Variants in FBXL13 observed in about 807,000 individuals in gnomAD.
FBXL13 encodes the protein F-box and leucine-rich repeat protein 13.
A neutral mutation model predicts 83.6 loss-of-function variants in FBXL13; 67 were observed. The ratio of observed to expected loss-of-function variants is 0.80; its 90% CI spans 0.66 to 0.98. The LOEUF is 0.98. FBXL13 is among the 50% of genes least tolerant of loss of function. The pLI is 0.00. For synonymous variants in FBXL13, 272 were observed against 299.5 expected, an observed-to-expected ratio of 0.91 and a Z score of 0.95; for missense variants, 822 against 866.5, an observed-to-expected ratio of 0.95 and a Z score of 0.64.
chr7:102,885,182 G>T (rs992849650), intron 11 of FBXL13, among the ~76,000 whole-genome samples: 2 of 152,128 alleles, frequency 1.3e-5, no homozygotes, highest in African/African-American at 4.8e-5. Flanking sequence ...GCAATTCTAT[G>T]CTTAATTTTT....
At chr7:103,055,052 A>T (rs1385423153) in intron 2 of FBXL13, 36 bp downstream of exon 3, 1 of 1,155,418 alleles carries the variant, frequency 8.7e-7, no homozygotes, top group Admixed American at 2.5e-5. Context: ...GAAGTTTAAA[A>T]TATATATTTG....
chr7:102,964,406 T>TATA (rs375876058), intron 7 of FBXL13, among the ~76,000 whole-genome samples: 2,464 of 126,150 alleles, frequency 0.02, 37 homozygotes, highest in Non-Finnish European at 0.026. Context: ...ATATATATAT[T>TATA]TTTTTTTTTT....
At position 102,913,225 on chromosome 7, in the gene FBXL13, C is replaced by A. The variant is rs1815115038; in HGVS notation, c.879-10G>T. On this transcript the variant is annotated splice_polypyrimidine_tract_variant and intron_variant, in intron 10 of 19. Transcript: ENST00000313221. ...TAAGTTGTGGAAGTGCCTGAAAAGACAAAAGAGAGGAAGGAAAGTATTATA... is the reference window on the plus strand; with the variant it reads ...TAAGTTGTGGAAGTGCCTGAAAAGAAAAAAGAGAGGAAGGAAAGTATTATA... The A allele has an allele frequency of 6.2e-7, 1 of 1,613,984 alleles. No individual in the cohort carries two copies. The highest frequency in any genetic ancestry group is 8.5e-7 in the Non-Finnish European group (1 of 1,179,942).
intron 6 of FBXL13, among the ~76,000 whole-genome samples, chr7:102,974,564 C>G (rs374057142): frequency 1.5e-4 from 23 of 152,206 alleles, no homozygotes; most frequent in Middle Eastern, 6.8e-3. Flanking sequence ...TTATTGCTGA[C>G]GACTGGAGAA....
chr7:102,960,886 T>A lies in FBXL13; in HGVS notation c.724+2647A>T, dbSNP rs988922386. ...AACCCACAGCCAATATCATACTGAA[T>A]GGGCAAACACTGGAAGCATTCCCTT... is the stretch of plus-strand genomic sequence containing the variant. On this transcript the variant is annotated intron_variant, in intron 8 of 19. Transcript: ENST00000313221. 6.0e-3 allele frequency among the ~76,000 whole-genome samples: 904 copies of A among 151,204 alleles called. 9 individuals are homozygous for A. The highest frequency in any genetic ancestry group is 0.021 in the African/African-American group (856 of 41,154).
chr7:103,055,031 A>G lies in FBXL13; in HGVS notation c.-1+613T>C, dbSNP rs1373936079. 2.8e-6 allele frequency: 3 copies of G among 1,089,438 alleles called. No individual in the cohort carries two copies. In the African/African-American group the frequency reaches 4.9e-5, roughly 18 times the overall value. 67.5% of individuals were successfully genotyped at this position (1,089,438 alleles called of 1,614,324 possible). On this transcript the variant is annotated intron_variant, in intron 2 of 19. Coordinates refer to ENST00000313221, the Ensembl canonical transcript of FBXL13. ...TCCCATAAATATAAAATCTACTTGG[A>G]AAATTCCATCGAAGTTTAAAATATA...
intron 6 of FBXL13, among the ~76,000 whole-genome samples, chr7:102,991,583 G>A (rs759698055): frequency 2.6e-5 from 4 of 152,152 alleles, no homozygotes; most frequent in African/African-American, 9.7e-5. Context: ...AAGATCATAG[G>A]ACCAGGGAAG....
chr7:102,895,145 C>T (rs548077827), intron 11 of FBXL13, among the ~76,000 whole-genome samples: 1 of 152,204 alleles, frequency 6.6e-6, no homozygotes, highest in African/African-American at 2.4e-5. Flanking sequence ...GTGAAAAGTA[C>T]AATGATAAAA....
intron 1 of FBXL13, among the ~76,000 whole-genome samples, chr7:103,059,107 A>C (rs1417391705): frequency 5.3e-5 from 8 of 152,028 alleles, no homozygotes; most frequent in African/African-American, 1.9e-4. Flanking sequence ...AAAATACAAA[A>C]ATTGTTTTAA....
intron 18 of FBXL13, among the ~76,000 whole-genome samples, chr7:102,824,633 C>T (rs1799299234): frequency 6.6e-6 from 1 of 151,994 alleles, no homozygotes; most frequent in South Asian, 2.1e-4. Context: ...TTACAGGTGC[C>T]CGCCACCACG....
Position 102,944,256 on chromosome 7 carries a change from C to A in FBXL13, c.725-12323G>T, listed in dbSNP as rs773942585. 4 of 1,612,048 alleles carry A rather than the reference C, an allele frequency of 2.5e-6. No individual in the cohort carries two copies. The Admixed American group carries it at 5.0e-5, about 20-fold the overall frequency. ...ATTTAGAAGAATTAGATTTATCAAA[C>A]AACAGTCTGCAAAACTTTGACTATG... On this transcript the variant is annotated intron_variant, in intron 8 of 19. Transcript: ENST00000313221.
At chr7:102,929,347 T>C (rs966156061) in intron 9 of FBXL13, among the ~76,000 whole-genome samples, 10 of 152,112 alleles carry the variant, frequency 6.6e-5, no homozygotes, top group African/African-American at 2.4e-4. Flanking sequence ...TGAGACCATA[T>C]GTAGCTCAGA....
At chr7:102,916,432 T>C (rs1330390733) in intron 10 of FBXL13, among the ~76,000 whole-genome samples, 3 of 152,166 alleles carry the variant, frequency 2.0e-5, no homozygotes, top group Admixed American at 2.0e-4. Context: ...GACTCCTGGA[T>C]TGAAAATCTC....
chr7:102,852,892 T>C (rs938190850), intron 17 of FBXL13, among the ~76,000 whole-genome samples: 1 of 152,194 alleles, frequency 6.6e-6, no homozygotes, highest in African/African-American at 2.4e-5. Context: ...TGCACAGACA[T>C]GCTTATGGAA....
At chr7:102,851,412 T>C (rs1805192971) in intron 17 of FBXL13, among the ~76,000 whole-genome samples, 1 of 152,026 alleles carries the variant, frequency 6.6e-6, no homozygotes, top group Non-Finnish European at 1.5e-5. Context: ...ACAAACCCTT[T>C]TATAGGTTTT....
intron 14 of FBXL13, among the ~76,000 whole-genome samples, chr7:102,879,439 ATGTGTGTGTGTG>A (rs139051886): frequency 4.0e-4 from 58 of 144,806 alleles, no homozygotes; most frequent in African/African-American, 1.4e-3. Context: ...GCAGTTAAGG[ATGTGTGTGTGTG>A]TGTGTGTGTG....
At chr7:103,030,193 T>G (rs1221641659) in intron 2 of FBXL13, 1 of 152,180 alleles carries the variant, frequency 6.6e-6, no homozygotes, top group Non-Finnish European at 1.5e-5. Flanking sequence ...ATTCTACTTT[T>G]CTAAGGCAAA....
intron 6 of FBXL13, among the ~76,000 whole-genome samples, chr7:103,014,736 A>T (rs547919119): frequency 3.0e-4 from 45 of 152,066 alleles, no homozygotes; most frequent in Non-Finnish European, 6.5e-4. Flanking sequence ...ATCCTGGCTA[A>T]CACAGTGAAA....
intron 18 of FBXL13, among the ~76,000 whole-genome samples, chr7:102,829,293 A>G (rs916359246): frequency 2.0e-5 from 3 of 152,176 alleles, no homozygotes; most frequent in African/African-American, 7.2e-5. Flanking sequence ...AGCTTTTTGC[A>G]TATGAATGTG....
Sources: gnomAD v4.1 joint callset for allele counts (sites outside exome capture counted in the v4.1 genomes callset) on GRCh38, gnomAD v4.1.1 for gene constraint, MANE v1.5 for transcripts, NCBI Gene and HGNC (gene_info 2026-07-23, HGNC 2026-07-21) for gene names.